TMOD1: variants seen among roughly 807,000 people sequenced by gnomAD.
TMOD1 encodes tropomodulin-1.
In TMOD1, 17 loss-of-function variants were observed where a neutral mutation model predicts 40.6. The ratio of observed to expected loss-of-function variants is 0.42; its 90% CI spans 0.29 to 0.63. The LOEUF is 0.63. TMOD1 is among the 20% of genes least tolerant of loss of function. The probability of loss-of-function intolerance (pLI) is 0.22; values close to 1 mark genes in which losing one functional copy is unlikely to be tolerated. For missense variants in TMOD1, 391 were observed against 447.6 expected (o/e 0.87, Z 1.14); for synonymous variants, 181 against 175.0 (o/e 1.03, Z -0.27).
At chr9:97,541,530 T>A (rs539258828) in intron 2 of TMOD1, among the ~76,000 whole-genome samples, 37 of 151,904 alleles carry the variant, frequency 2.4e-4, no homozygotes, top group Admixed American at 4.6e-4. Context: ...TTTTATTTTT[T>A]TTTTTGAGAC....
chr9:97,559,412 C>A (rs752897358), intron 4 of TMOD1, among the ~76,000 whole-genome samples: 4 of 151,378 alleles, frequency 2.6e-5, no homozygotes, highest in African/African-American at 4.9e-5. Context: ...ACTTTGAGAT[C>A]ATCTCATCTT....
chr9:97,584,732 A>G (rs1825831998), intron 8 of TMOD1, among the ~76,000 whole-genome samples: 1 of 152,008 alleles, frequency 6.6e-6, no homozygotes, highest in Non-Finnish European at 1.5e-5. Context: ...TTCTTGTTGA[A>G]TTGATCCCTT....
intron 3 of TMOD1, 81 bp from the exon 4 acceptor site, chr9:97,553,200 A>G (rs1179433891): frequency 6.3e-6 from 10 of 1,593,704 alleles, no homozygotes; most frequent in South Asian, 1.1e-5. Flanking sequence ...GGGCTCTACA[A>G]TGGTCCACGC....
Position 97,542,887 on chromosome 9 carries a change from G to A in TMOD1, c.121-3298G>A, listed in dbSNP as rs939794868. 2.7e-5 allele frequency among the ~76,000 whole-genome samples: 4 copies of A among 150,784 alleles called. No individual in the cohort carries two copies. The South Asian group carries it at 8.4e-4, about 32-fold the overall frequency. On this transcript the variant is annotated intron_variant, in intron 2 of 9. Transcript: ENST00000259365. The stretch of plus-strand genomic sequence containing the variant: ...AAAAAAGGAAGAAAATAAAAGAAAT[G>A]TGGCAATGTTTGGAGACATTTTTGG...
At chr9:97,568,153 T>C (rs1269454687) in intron 7 of TMOD1, among the ~76,000 whole-genome samples, 1 of 152,152 alleles carries the variant, frequency 6.6e-6, no homozygotes, top group Non-Finnish European at 1.5e-5. Flanking sequence ...AAGAAAACCA[T>C]GTCTCCATGG....
chr9:97,512,535 T>C (rs1829720788), intron 1 of TMOD1, among the ~76,000 whole-genome samples: 1 of 151,870 alleles, frequency 6.6e-6, no homozygotes, highest in Non-Finnish European at 1.5e-5. Context: ...ATAAATAAAT[T>C]ATGGTATATT....
rs143916208 is a variant in TMOD1, at chr9:97,529,189, T to C, written c.120+4881T>C. Among the ~76,000 whole-genome samples, 570 of 152,248 alleles carry C rather than the reference T, an allele frequency of 3.7e-3. 3 individuals carry two copies. The highest frequency in any genetic ancestry group is 0.02 in the East Asian group (106 of 5,172). On this transcript the variant is annotated intron_variant, in intron 2 of 9. Coordinates refer to ENST00000259365, the MANE Select transcript of TMOD1 (RefSeq NM_003275.4). ...GTTGGGGGTCGCTGTAGGAAAATAA[T>C]CCCTCTTTTTTCTGGGAAAGAGCCT...
At chr9:97,595,792 G>T (rs1165458871) in intron 9 of TMOD1, among the ~76,000 whole-genome samples, 3 of 152,116 alleles carry the variant, frequency 2.0e-5, no homozygotes, top group Admixed American at 2.0e-4. Context: ...AGAAAAGGCA[G>T]CCAGGTACGG....
At chr9:97,575,685 A>G (rs1830924458) in intron 8 of TMOD1, among the ~76,000 whole-genome samples, 4 of 152,228 alleles carry the variant, frequency 2.6e-5, no homozygotes, top group Non-Finnish European at 4.4e-5. Flanking sequence ...TCAAATGTCC[A>G]AAGTGAGATT....
At chr9:97,546,051 G>A in intron 2 of TMOD1, 134 bp from the exon 3 acceptor site, 1 of 1,059,522 alleles carries the variant, frequency 9.4e-7, no homozygotes, top group Non-Finnish European at 1.3e-6. Context: ...GAACACCATG[G>A]ATTCCATGAG....
intron 8 of TMOD1, among the ~76,000 whole-genome samples, chr9:97,584,557 G>T (rs1815517515): frequency 6.6e-6 from 1 of 152,116 alleles, no homozygotes; most frequent in Non-Finnish European, 1.5e-5. Flanking sequence ...GGGTATCCTT[G>T]TTGACTTTCT....
At chr9:97,594,060 G>T (rs1207264030) in intron 9 of TMOD1, among the ~76,000 whole-genome samples, 1 of 152,180 alleles carries the variant, frequency 6.6e-6, no homozygotes, top group Non-Finnish European at 1.5e-5. Flanking sequence ...TTAATGTCAA[G>T]CTCAGGGGCC....
At chr9:97,563,955 G>A in intron 5 of TMOD1, 83 bp from the exon 6 acceptor site, 2 of 1,464,906 alleles carry the variant, frequency 1.4e-6, no homozygotes, top group South Asian at 1.3e-5. Flanking sequence ...CCCTGCACAT[G>A]CTCCCTTCCA....
In TMOD1 at chr9:97,558,431, CTGTTTGTT is replaced by C. The variant is rs113689604; in HGVS notation, c.398-4279_398-4272del. Among the ~76,000 whole-genome samples, 1,479 of 151,270 alleles carry C rather than the reference CTGTTTGTT, an allele frequency of 9.8e-3. 23 individuals are homozygous for C. The highest frequency in any genetic ancestry group is 0.034 in the African/African-American group (1,415 of 41,134). On this transcript the variant is annotated intron_variant, in intron 4 of 9. Coordinates refer to ENST00000259365, the MANE Select transcript of TMOD1 (RefSeq NM_003275.4). ...GGGTCTACCACAGCTACCCTGGATG[CTGTTTGTT>C]TGTTTGTTTGTTTGTTTGTTTTTAG...
At chr9:97,556,843 G>A (rs1830544393) in intron 4 of TMOD1, among the ~76,000 whole-genome samples, 3 of 152,188 alleles carry the variant, frequency 2.0e-5, no homozygotes, top group South Asian at 2.1e-4. Flanking sequence ...GAGAAAGTGC[G>A]GAGAAGGTCC....
At chr9:97,520,884 C>G (rs532329500) in intron 1 of TMOD1, among the ~76,000 whole-genome samples, 83 of 152,320 alleles carry the variant, frequency 5.4e-4, no homozygotes, top group Middle Eastern at 3.4e-3. Flanking sequence ...TTTCCCAGCC[C>G]CTTTTCCCCA....
chr9:97,563,812 C>G (rs923420296), intron 5 of TMOD1, among the ~76,000 whole-genome samples: 1 of 152,192 alleles, frequency 6.6e-6, no homozygotes, highest in Non-Finnish European at 1.5e-5. Flanking sequence ...AGTAATTCAC[C>G]CAGTTCTTGC....
intron 2 of TMOD1, among the ~76,000 whole-genome samples, chr9:97,531,335 G>A (rs866175907): frequency 1.1e-4 from 16 of 152,100 alleles, no homozygotes; most frequent in African/African-American, 3.1e-4. Flanking sequence ...AACAGGCTGG[G>A]TGTGGTGGCT....
At chr9:97,587,256 C>G (rs1825899395) in intron 8 of TMOD1, among the ~76,000 whole-genome samples, 2 of 152,198 alleles carry the variant, frequency 1.3e-5, no homozygotes, top group Admixed American at 1.3e-4. Flanking sequence ...TTTAATTTCT[C>G]TGGGATAAAT....
Sources: gnomAD v4.1 joint callset for allele counts (sites outside exome capture counted in the v4.1 genomes callset) on GRCh38, gnomAD v4.1.1 for gene constraint, MANE v1.5 for transcripts, NCBI Gene and HGNC (gene_info 2026-07-23, HGNC 2026-07-21) for gene names.